Variants in TIAM1 observed in about 807,000 individuals in gnomAD.
TIAM1 encodes the protein TIAM Rac1 associated GEF 1.
In TIAM1, 65 loss-of-function variants were observed where a neutral mutation model predicts 163.5. The ratio of observed to expected loss-of-function variants is 0.40; its 90% CI spans 0.33 to 0.49. TIAM1 has a LOEUF of 0.49. TIAM1 is among the 20% of genes least tolerant of loss of function. The pLI is 0.77. For missense variants in TIAM1, 1,789 were observed against 2,044.7 expected, an observed-to-expected ratio of 0.87 and a Z score of 2.41; for synonymous variants, 833 against 810.1, an observed-to-expected ratio of 1.03 and a Z score of -0.48.
intron 1 of TIAM1, among the ~76,000 whole-genome samples, chr21:31,473,645 G>A (rs1440506026): frequency 2.6e-5 from 4 of 151,876 alleles, no homozygotes; most frequent in Non-Finnish European, 5.9e-5. Context: ...TTTAGCAGGG[G>A]CACACAAGGA....
rs558093872 is a variant in TIAM1 at position 31,134,468 on chromosome 21, T to C, written c.3883+1465A>G. On this transcript the variant is annotated intron_variant, in intron 23 of 27. Coordinates refer to ENST00000541036, the MANE Select transcript of TIAM1 (RefSeq NM_001353694.2). The stretch of plus-strand genomic sequence containing the variant: ...TGTTAAAATACCCCCAATATTCCTT[T>C]GAATGGCCTATTTAGTCACATGCTT... Among the ~76,000 whole-genome samples, 23 of 152,362 alleles carry C rather than the reference T, an allele frequency of 1.5e-4. No individual in the cohort carries two copies. The South Asian group carries it at 4.6e-3, about 30-fold the overall frequency.
chr21:31,304,449 A>C (rs2074618566), intron 2 of TIAM1, among the ~76,000 whole-genome samples: 1 of 152,204 alleles, frequency 6.6e-6, no homozygotes, highest in Non-Finnish European at 1.5e-5. Context: ...TATCAGGAAA[A>C]GCTGCTTTTA....
intron 5 of TIAM1, among the ~76,000 whole-genome samples, chr21:31,246,051 A>T (rs1389473265): frequency 2.0e-5 from 3 of 152,202 alleles, no homozygotes; most frequent in Admixed American, 6.5e-5. Context: ...CTACCGTCCG[A>T]TTGAAGCCCA....
At chr21:31,505,137 A>T (rs781666482) in intron 1 of TIAM1, among the ~76,000 whole-genome samples, 1 of 152,162 alleles carries the variant, frequency 6.6e-6, no homozygotes, top group African/African-American at 2.4e-5. Context: ...AACCAGATTC[A>T]ATCACAACTC....
intron 2 of TIAM1, among the ~76,000 whole-genome samples, chr21:31,432,396 G>A (rs1469140138): frequency 6.6e-6 from 1 of 152,178 alleles, no homozygotes; most frequent in African/African-American, 2.4e-5. Flanking sequence ...ACCACGCCCT[G>A]CCCTTCCATA....
intron 16 of TIAM1, among the ~76,000 whole-genome samples, chr21:31,161,841 A>G (rs571144843): frequency 1.3e-5 from 2 of 152,354 alleles, no homozygotes; most frequent in East Asian, 3.9e-4. Context: ...CTTATTCTCA[A>G]GAAAAGCTTC....
intron 7 of TIAM1, among the ~76,000 whole-genome samples, chr21:31,225,286 C>G (rs554511036): frequency 6.6e-6 from 1 of 152,256 alleles, no homozygotes; most frequent in South Asian, 2.1e-4. Context: ...CAGGCATGAG[C>G]CGCCACACCT....
chr21:31,545,871 C>T (rs183988134), intron 1 of TIAM1, among the ~76,000 whole-genome samples: 4 of 152,158 alleles, frequency 2.6e-5, no homozygotes, highest in Admixed American at 6.6e-5. Flanking sequence ...GATTACAAAA[C>T]GAGAAAATAT....
At chr21:31,171,237 A>C (rs2084500436) in intron 15 of TIAM1, among the ~76,000 whole-genome samples, 1 of 152,136 alleles carries the variant, frequency 6.6e-6, no homozygotes, top group Non-Finnish European at 1.5e-5. Context: ...CAGAGATATA[A>C]ATCAGTATAT....
At chr21:31,531,760 T>TTA (rs2047978302) in intron 1 of TIAM1, among the ~76,000 whole-genome samples, 2 of 144,170 alleles carry the variant, frequency 1.4e-5, no homozygotes, top group African/African-American at 5.1e-5. Context: ...ATACAGGAGT[T>TTA]AAAAAAAAAA....
chr21:31,449,782 C>A (rs2044757587), intron 2 of TIAM1, among the ~76,000 whole-genome samples: 1 of 152,214 alleles, frequency 6.6e-6, no homozygotes, highest in Non-Finnish European at 1.5e-5. Context: ...ACTCCCTTTT[C>A]TTTCTATCCA....
Position 31,175,127 on chromosome 21 carries a change from G to C in TIAM1, c.2887+7294C>G, listed in dbSNP as rs560619951. On this transcript the variant is annotated intron_variant, in intron 15 of 27. Coordinates refer to ENST00000541036, the MANE Select transcript of TIAM1 (RefSeq NM_001353694.2). ...CTGGCTAATTTTTAAATTTTTAGTAGAGACAAGGTCTCACTATGTTGCCCA... is the reference window on the plus strand; with the variant it reads ...CTGGCTAATTTTTAAATTTTTAGTACAGACAAGGTCTCACTATGTTGCCCA... Among the ~76,000 whole-genome samples the C allele has an allele frequency of 3.8e-3, 579 of 152,184 alleles. 3 individuals carry two copies. Among genetic ancestry groups the C allele is most frequent in the African/African-American group, 0.013 (541 of 41,506 alleles).
intron 20 of TIAM1, among the ~76,000 whole-genome samples, chr21:31,145,080 C>T (rs183834756): frequency 1.8e-4 from 28 of 152,100 alleles, no homozygotes; most frequent in Admixed American, 5.2e-4. Flanking sequence ...TAACAATTAG[C>T]ATTCAATAAA....
At chr21:31,376,279 A>C (rs2076685518) in intron 2 of TIAM1, among the ~76,000 whole-genome samples, 1 of 152,084 alleles carries the variant, frequency 6.6e-6, no homozygotes. Context: ...TGATAAATGC[A>C]TCTCAGTCTC....
At chr21:31,345,172 G>C (rs2076124437), upstream of TIAM1, among the ~76,000 whole-genome samples, 1 of 152,176 alleles carries the variant, frequency 6.6e-6, no homozygotes, top group African/African-American at 2.4e-5. Flanking sequence ...GGCTATATCT[G>C]AAAGGGTTGA....
At chr21:31,327,482 T>C (rs2075527998) in intron 2 of TIAM1, among the ~76,000 whole-genome samples, 1 of 150,318 alleles carries the variant, frequency 6.7e-6, no homozygotes, top group Non-Finnish European at 1.5e-5. Context: ...CTACTAAAAA[T>C]AGAAAAAATT....
At chr21:31,206,021 A>G (rs1348646293) in intron 11 of TIAM1, among the ~76,000 whole-genome samples, 1 of 152,188 alleles carries the variant, frequency 6.6e-6, no homozygotes, top group Non-Finnish European at 1.5e-5. Flanking sequence ...ACAAACCATC[A>G]TATTTTTCAA....
chr21:31,447,450 A>C (rs942249163), intron 2 of TIAM1, among the ~76,000 whole-genome samples: 2 of 152,174 alleles, frequency 1.3e-5, no homozygotes, highest in African/African-American at 4.8e-5. Flanking sequence ...AGATTTAAAA[A>C]AGGAAGAAAA....
intron 1 of TIAM1, among the ~76,000 whole-genome samples, chr21:31,475,717 A>T (rs1424339058): frequency 1.3e-5 from 2 of 152,190 alleles, no homozygotes; most frequent in African/African-American, 2.4e-5. Context: ...CAGTGCTGAG[A>T]TGTCAGCCAT....
Sources: allele counts gnomAD v4.1 joint callset (sites outside exome capture counted in the v4.1 genomes callset), GRCh38; gene constraint gnomAD v4.1.1; transcripts MANE v1.5; gene names NCBI Gene and HGNC (gene_info 2026-07-23, HGNC 2026-07-21).